Variants in CUEDC1 observed in about 807,000 individuals in gnomAD.
CUEDC1 encodes the protein CUE domain containing 1, also known as CUE domain-containing protein 1.
Under a neutral mutation model 43.7 loss-of-function variants are expected in CUEDC1, and 30 were observed. That is an observed-to-expected ratio of 0.69 (90% CI 0.51 to 0.93). The LOEUF (loss-of-function observed/expected upper bound fraction) is 0.93, where lower values mean the gene tolerates loss of function less well. Ranked by LOEUF, CUEDC1 falls within the 40% of genes least tolerant of loss-of-function variation. The pLI, the probability that CUEDC1 is intolerant of heterozygous loss-of-function variation, is 0.00. For synonymous variants in CUEDC1, 223 were observed against 223.6 expected (o/e 1.00, Z 0.02); for missense variants, 486 against 549.0 (o/e 0.89, Z 1.15).
At chr17:57,893,300 G>C (rs1199326053) in intron 1 of CUEDC1, among the ~76,000 whole-genome samples, 2 of 149,284 alleles carry the variant, frequency 1.3e-5, no homozygotes, top group South Asian at 2.1e-4. Flanking sequence ...GCCCCAAAAG[G>C]GGGTGAAAGG....
At chr17:57,873,803 G>A (rs1180862066) in intron 3 of CUEDC1, 86 bp from the exon 4 acceptor site, 1 of 1,366,492 alleles carries the variant, frequency 7.3e-7, no homozygotes, top group African/African-American at 1.5e-5. Flanking sequence ...TCCTCAGGCA[G>A]GTCGGATCCT....
intron 1 of CUEDC1, chr17:57,903,071 A>AT (rs1446346377): frequency 6.6e-6 from 1 of 152,242 alleles, no homozygotes; most frequent in Non-Finnish European, 1.5e-5. Context: ...CATCCTGGCA[A>AT]TGGTCCCACC....
At chr17:57,873,920 T>C (rs1366716240) in intron 3 of CUEDC1, among the ~76,000 whole-genome samples, 1 of 152,214 alleles carries the variant, frequency 6.6e-6, no homozygotes, top group Non-Finnish European at 1.5e-5. Flanking sequence ...CAGCCATTCA[T>C]GCTCTCCAGT....
At chr17:57,921,886 G>A (rs991432492) in intron 1 of CUEDC1, among the ~76,000 whole-genome samples, 1 of 152,186 alleles carries the variant, frequency 6.6e-6, no homozygotes, top group Non-Finnish European at 1.5e-5. Flanking sequence ...GCCAAGATGG[G>A]CGTATCACTT....
intron 1 of CUEDC1, among the ~76,000 whole-genome samples, chr17:57,888,296 A>G (rs564935770): frequency 4.4e-4 from 67 of 152,330 alleles, no homozygotes; most frequent in African/African-American, 1.6e-3. Flanking sequence ...TTTCCACATA[A>G]TAAGATATTG....
At chr17:57,912,717 A>C (rs1334299496) in intron 1 of CUEDC1, among the ~76,000 whole-genome samples, 1 of 152,246 alleles carries the variant, frequency 6.6e-6, no homozygotes, top group East Asian at 1.9e-4. Flanking sequence ...AATAAACTGC[A>C]AAAAGACCAC....
At chr17:57,872,282 G>A (rs1439670118) in intron 5 of CUEDC1, among the ~76,000 whole-genome samples, 3 of 152,240 alleles carry the variant, frequency 2.0e-5, no homozygotes, top group South Asian at 4.1e-4. Context: ...GAACCCAGTC[G>A]TTCTGTTTCC....
At chr17:57,943,104 C>A (rs1346699814) in intron 1 of CUEDC1, among the ~76,000 whole-genome samples, 1 of 152,160 alleles carries the variant, frequency 6.6e-6, no homozygotes, top group Non-Finnish European at 1.5e-5. Context: ...ACATGCCTCC[C>A]TATTCTTTTC....
chr17:57,886,633 G>A (rs1413422353), intron 1 of CUEDC1, among the ~76,000 whole-genome samples: 1 of 152,152 alleles, frequency 6.6e-6, no homozygotes, highest in Non-Finnish European at 1.5e-5. Context: ...AAAGAGAGAT[G>A]CAAGGCCATT....
At chr17:57,907,096 C>T (rs532598051) in intron 1 of CUEDC1, among the ~76,000 whole-genome samples, 1 of 152,204 alleles carries the variant, frequency 6.6e-6, no homozygotes, top group Admixed American at 6.5e-5. Flanking sequence ...CAGAGGGGCT[C>T]TGTCCCCATC....
chr17:57,867,205 G>C (rs9894704), intron 9 of CUEDC1, 152 bp downstream of exon 9: 110,201 of 714,956 alleles, frequency 0.15, 9,827 homozygotes, highest in African/African-American at 0.25. Flanking sequence ...GACCAAGTCA[G>C]GGGGATCCAT....
intron 2 of CUEDC1, among the ~76,000 whole-genome samples, chr17:57,883,543 G>A (rs2074244918): frequency 6.6e-6 from 1 of 152,154 alleles, no homozygotes; most frequent in Non-Finnish European, 1.5e-5. Flanking sequence ...GGCCAACATG[G>A]TGAAACCCCA....
chr17:57,928,662 C>A (rs2074773523), intron 1 of CUEDC1, among the ~76,000 whole-genome samples: 1 of 151,840 alleles, frequency 6.6e-6, no homozygotes, highest in Admixed American at 6.6e-5. Context: ...TTTCACGCAA[C>A]CTCTTTGCTA....
intron 1 of CUEDC1, among the ~76,000 whole-genome samples, chr17:57,894,691 A>G (rs1342382447): frequency 6.6e-6 from 1 of 152,214 alleles, no homozygotes; most frequent in Non-Finnish European, 1.5e-5. Context: ...AAGAAAAAAT[A>G]CGATTCAAAA....
At chr17:57,867,880 CA>C (rs1238075644) in intron 8 of CUEDC1, among the ~76,000 whole-genome samples, 3 of 151,166 alleles carry the variant, frequency 2.0e-5, no homozygotes, top group East Asian at 1.9e-4. Context: ...AACCTCAGAC[CA>C]AAAAAAAAGT....
At chr17:57,885,177 G>A (rs916373764) in intron 2 of CUEDC1, 52 bp downstream of exon 2, 14 of 1,499,218 alleles carry the variant, frequency 9.3e-6, no homozygotes, top group Non-Finnish European at 9.8e-6. Context: ...CCTACCTCCG[G>A]GGGGATGCTG....
chr17:57,899,767 T>C (rs111479154), intron 1 of CUEDC1, among the ~76,000 whole-genome samples: 41 of 152,276 alleles, frequency 2.7e-4, no homozygotes, highest in African/African-American at 9.6e-4. Context: ...AGGCACTCAA[T>C]GTACTACTCC....
At chr17:57,936,415 G>A (rs1392160774) in intron 1 of CUEDC1, among the ~76,000 whole-genome samples, 2 of 152,136 alleles carry the variant, frequency 1.3e-5, no homozygotes, top group Non-Finnish European at 2.9e-5. Flanking sequence ...CCACAGTTTC[G>A]CAATGGAAGC....
At chr17:57,872,632 C>A in intron 5 of CUEDC1, 31 bp downstream of exon 5, 1 of 1,611,152 alleles carries the variant, frequency 6.2e-7, no homozygotes, top group Non-Finnish European at 8.5e-7. Flanking sequence ...CCTTCTTCAG[C>A]CAGGGAGAAG....
Sources: allele counts gnomAD v4.1 joint callset (sites outside exome capture counted in the v4.1 genomes callset), GRCh38; gene constraint gnomAD v4.1.1; transcripts MANE v1.5; gene names NCBI Gene and HGNC (gene_info 2026-07-23, HGNC 2026-07-21).